The following SH3BGRL2 variants were observed in gnomAD, a reference collection of about 807,000 sequenced individuals.
SH3BGRL2 encodes SH3 domain binding glutamate rich protein like 2.
SH3BGRL2 carries 21 observed loss-of-function variants against 14.8 expected under a neutral mutation model. The observed-to-expected ratio is 1.42, with a 90% CI of 1.01 to 2.05. The LOEUF (loss-of-function observed/expected upper bound fraction) is 2.05. Ranked by LOEUF, SH3BGRL2 falls within the 30% of genes most tolerant of loss-of-function variation. The probability of loss-of-function intolerance (pLI) is 0.00; values close to 1 mark genes in which losing one functional copy is unlikely to be tolerated. For synonymous variants in SH3BGRL2, 50 were observed against 47.8 expected, an observed-to-expected ratio of 1.05 and a Z score of -0.19; for missense variants, 147 against 130.8, an observed-to-expected ratio of 1.12 and a Z score of -0.61.
the SH3BGRL2 span, among the ~76,000 whole-genome samples, chr6:79,557,692 A>G: frequency 6.6e-6 from 1 of 152,222 alleles, no homozygotes; most frequent in African/African-American, 2.4e-5. Context: ...TATAATTAGT[A>G]GTGAATACGC....
rs1401783800 is a variant in SH3BGRL2 at position 79,693,160 on chromosome 6, T to C, written c.232-3325T>C. Among the ~76,000 whole-genome samples the C allele has an allele frequency of 3.3e-5, 5 of 152,198 alleles. No homozygotes were observed. In the East Asian group the frequency reaches 7.7e-4, roughly 23 times the overall value. ...CACTCATGATTTGGCTCTCTGTTTG[T>C]CTATTATTGGCGTATAGGAATGCTT... On this transcript the variant is annotated intron_variant, in intron 2 of 3. Coordinates refer to ENST00000369838, the MANE Select transcript of SH3BGRL2 (RefSeq NM_031469.4).
the SH3BGRL2 span, among the ~76,000 whole-genome samples, chr6:79,594,485 C>T: frequency 6.6e-6 from 1 of 152,114 alleles, no homozygotes; most frequent in Non-Finnish European, 1.5e-5. Context: ...TTCTGCCTCC[C>T]CTACAGTGGG....
At chr6:79,647,474 T>C (rs923302367) in intron 1 of SH3BGRL2, among the ~76,000 whole-genome samples, 9 of 152,170 alleles carry the variant, frequency 5.9e-5, no homozygotes, top group Admixed American at 4.6e-4. Flanking sequence ...TTTATGAATA[T>C]CTTCTATTGT....
rs1562146751 is a variant in SH3BGRL2 at position 79,648,278 on chromosome 6, AT to A, written c.45+16773del. On this transcript the variant is annotated intron_variant, in intron 1 of 3. Transcript: ENST00000369838. ...GGCATATATATATATATATATATAT[AT>A]ATATTTGACATATATTATATATAAT... is the stretch of plus-strand genomic sequence containing the variant. 9.3e-3 allele frequency among the ~76,000 whole-genome samples: 1,187 copies of A among 127,918 alleles called. 48 individuals carry two copies. Among genetic ancestry groups the A allele is most frequent in the African/African-American group, 0.032 (1,120 of 35,410 alleles). 83.9% of individuals were successfully genotyped at this position (127,918 alleles called of 152,430 possible).
At chr6:79,615,207 G>T in the SH3BGRL2 span, among the ~76,000 whole-genome samples, 1 of 152,122 alleles carries the variant, frequency 6.6e-6, no homozygotes, top group African/African-American at 2.4e-5. Flanking sequence ...TTAAGTTTGG[G>T]AGACTCACAA....
the SH3BGRL2 span, among the ~76,000 whole-genome samples, chr6:79,566,871 T>C: frequency 6.8e-6 from 1 of 147,528 alleles, no homozygotes; most frequent in East Asian, 2.0e-4. Context: ...CACTGTAGCC[T>C]GGGTGACAGA....
In SH3BGRL2 at chr6:79,693,967, T is replaced by C. The variant is rs145000086; in HGVS notation, c.232-2518T>C. On this transcript the variant is annotated intron_variant, in intron 2 of 3. Transcript: ENST00000369838. Reference sequence around the variant, plus strand: ...GGGAAGAAAGGAGTCCTGTGATGTGTTGATTTTGGAGTTACAGGGCCCAGT... The same window carrying C: ...GGGAAGAAAGGAGTCCTGTGATGTGCTGATTTTGGAGTTACAGGGCCCAGT... Among the ~76,000 whole-genome samples the C allele has an allele frequency of 3.7e-4, 57 of 152,248 alleles. 1 individual carries two copies. The highest frequency in any genetic ancestry group is 1.3e-3 in the African/African-American group (54 of 41,558).
chr6:79,687,744 T>G (rs1305545910), intron 2 of SH3BGRL2, among the ~76,000 whole-genome samples: 1 of 152,234 alleles, frequency 6.6e-6, no homozygotes, highest in African/African-American at 2.4e-5. Context: ...CTTAAAAAAT[T>G]GCTTTTTAAA....
chr6:79,565,825 C>A, the SH3BGRL2 span, among the ~76,000 whole-genome samples: 1 of 152,188 alleles, frequency 6.6e-6, no homozygotes, highest in Non-Finnish European at 1.5e-5. Context: ...CTAAACTTCC[C>A]CCAACAAATT....
intron 1 of SH3BGRL2, 33 bp from the exon 2 acceptor site, chr6:79,673,581 G>GT: frequency 2.5e-6 from 4 of 1,599,172 alleles, no homozygotes; most frequent in East Asian, 4.5e-5. Flanking sequence ...TCAGATAAGC[G>GT]TATCTACTTA....
chr6:79,598,110 T>C, the SH3BGRL2 span, among the ~76,000 whole-genome samples: 1 of 152,188 alleles, frequency 6.6e-6, no homozygotes, highest in Non-Finnish European at 1.5e-5. Context: ...GGTGAAGATA[T>C]GGAGAAAGTG....
At chr6:79,666,032 C>T (rs564680140) in intron 1 of SH3BGRL2, among the ~76,000 whole-genome samples, 3 of 152,306 alleles carry the variant, frequency 2.0e-5, no homozygotes, top group African/African-American at 7.2e-5. Flanking sequence ...CTCTACACCC[C>T]TGCCCTGCTC....
At chr6:79,649,967 A>ACTCTCT (rs67263724) in intron 1 of SH3BGRL2, among the ~76,000 whole-genome samples, 36 of 146,492 alleles carry the variant, frequency 2.5e-4, no homozygotes, top group African/African-American at 8.1e-4. Flanking sequence ...GTTCTTATGT[A>ACTCTCT]CTCTCTCTCT....
At chr6:79,694,341 G>A (rs1770286863) in intron 2 of SH3BGRL2, among the ~76,000 whole-genome samples, 1 of 152,190 alleles carries the variant, frequency 6.6e-6, no homozygotes, top group East Asian at 1.9e-4. Context: ...TTGTCAGGCA[G>A]AGAAAGTATG....
chr6:79,604,595 T>G, the SH3BGRL2 span, among the ~76,000 whole-genome samples: 6 of 152,168 alleles, frequency 3.9e-5, no homozygotes, highest in Non-Finnish European at 7.3e-5. Flanking sequence ...TTTTTCCCCT[T>G]GGTTATTCTC....
chr6:79,601,970 T>C, the SH3BGRL2 span, among the ~76,000 whole-genome samples: 1 of 152,172 alleles, frequency 6.6e-6, no homozygotes, highest in Non-Finnish European at 1.5e-5. Flanking sequence ...GCTAGCTTAG[T>C]AGCTACATTG....
chr6:79,604,280 C>G, the SH3BGRL2 span, among the ~76,000 whole-genome samples: 1 of 152,216 alleles, frequency 6.6e-6, no homozygotes, highest in Non-Finnish European at 1.5e-5. Context: ...GTTCTACTTT[C>G]CCTATTCCAG....
upstream of SH3BGRL2, among the ~76,000 whole-genome samples, chr6:79,626,597 C>T (rs1768730496): frequency 6.6e-6 from 1 of 152,140 alleles, no homozygotes; most frequent in South Asian, 2.1e-4. Context: ...TTATTGGGTG[C>T]CAAACCCTGG....
the SH3BGRL2 span, among the ~76,000 whole-genome samples, chr6:79,565,103 G>A: frequency 5.3e-5 from 8 of 152,170 alleles, no homozygotes; most frequent in South Asian, 2.1e-4. Context: ...ACAAGAGAAA[G>A]AGAATGCTCC....
Sources: allele counts gnomAD v4.1 joint callset (sites outside exome capture counted in the v4.1 genomes callset), GRCh38; gene constraint gnomAD v4.1.1; transcripts MANE v1.5; gene names NCBI Gene and HGNC (gene_info 2026-07-23, HGNC 2026-07-21).